BRD4: variants seen among roughly 807,000 people sequenced by gnomAD.
BRD4 encodes the protein bromodomain-containing protein 4.
BRD4 carries 16 observed loss-of-function variants against 142.1 expected under a neutral mutation model. That is an observed-to-expected ratio of 0.11 (90% CI 0.08 to 0.17). The LOEUF is 0.17. Among genes scored for constraint, BRD4 ranks in the 10% least tolerant of loss-of-function variants. The probability of loss-of-function intolerance (pLI) is 1.00; values close to 1 mark genes in which losing one functional copy is unlikely to be tolerated. For missense variants in BRD4, 1,424 were observed against 1,810.9 expected (o/e 0.79, Z 3.88); for synonymous variants, 833 against 707.5 (o/e 1.18, Z -2.82).
At position 15,239,752 on chromosome 19, in the gene BRD4, G is replaced by T. The variant is rs2047223508; in HGVS notation, c.3352C>A (p.Pro1118Thr). The change falls in exon 16 of 20, where the codon CCC (proline) becomes ACC (threonine). Residue 1118 changes from proline (P) to threonine (T), a missense_variant. Physicochemically the swap from Pro to Thr is conservative, Grantham distance 38. Around this residue, in one of 16 missense-constraint regions of BRD4, gnomAD observed 598 missense variants for 647.8 expected, o/e 0.92. Coordinates refer to ENST00000679869, the MANE Select transcript of BRD4 (RefSeq NM_001379291.1). This position sits in a 1 kb window ranked among gnomAD's most constrained non-coding sequence, Gnocchi z 7.4. ...CTGAAGGGCTCGCTGCGGATGATGGGTGAGTGGATCTTCTCCTCCTTCACC... is the reference window on the plus strand; with the variant it reads ...CTGAAGGGCTCGCTGCGGATGATGGTTGAGTGGATCTTCTCCTCCTTCACC... ...VVVKEEKIHSPIIRSEPFSPS... is the reference protein window; with the variant it reads ...VVVKEEKIHSTIIRSEPFSPS... The T allele has an allele frequency of 6.2e-7, 1 of 1,609,616 alleles. No homozygotes were observed. Among genetic ancestry groups the T allele is most frequent in the Non-Finnish European group, 8.5e-7 (1 of 1,179,696 alleles).
intron 3 of BRD4, 58 bp downstream of exon 3, chr19:15,268,847 G>A: frequency 1.3e-6 from 2 of 1,595,832 alleles, no homozygotes; most frequent in Non-Finnish European, 1.7e-6. Context: ...CATGCCCACT[G>A]CCGTCGCCTC....
intron 1 of BRD4, chr19:15,280,463 A>C: frequency 2.0e-6 from 2 of 1,011,216 alleles, no homozygotes; most frequent in Non-Finnish European, 2.4e-6. Flanking sequence ...TCATCCTCGT[A>C]AACAAATCAG....
intron 1 of BRD4, among the ~76,000 whole-genome samples, chr19:15,302,752 T>C (rs1303854915): frequency 6.8e-6 from 1 of 147,104 alleles, no homozygotes; most frequent in East Asian, 2.1e-4. Context: ...ACGCCTGTAA[T>C]CTCAGCACTT....
At chr19:15,318,504 C>T (rs1370173941) in intron 1 of BRD4, among the ~76,000 whole-genome samples, 1 of 152,306 alleles carries the variant, frequency 6.6e-6, no homozygotes, top group South Asian at 2.1e-4. Context: ...TATCCCTAAA[C>T]GTAAGCATGT....
chr19:15,290,839 T>C (rs1001587300), intron 1 of BRD4, among the ~76,000 whole-genome samples: 3 of 152,170 alleles, frequency 2.0e-5, no homozygotes, highest in African/African-American at 7.2e-5. Flanking sequence ...TTTTGCTATC[T>C]CTAGGGGATG....
chr19:15,270,922 G>T (rs1324657105), intron 2 of BRD4, among the ~76,000 whole-genome samples: 3 of 152,080 alleles, frequency 2.0e-5, no homozygotes, highest in Non-Finnish European at 4.4e-5. Context: ...GGCCACCATG[G>T]ATCAGTCCCT....
chr19:15,331,404 A>C (rs2048156908), intron 1 of BRD4, among the ~76,000 whole-genome samples: 1 of 152,126 alleles, frequency 6.6e-6, no homozygotes, highest in African/African-American at 2.4e-5. Flanking sequence ...CCCCACCCCA[A>C]ATCACCACAA....
intron 1 of BRD4, among the ~76,000 whole-genome samples, chr19:15,327,498 C>G (rs557957749): frequency 6.6e-6 from 1 of 151,824 alleles, no homozygotes; most frequent in Non-Finnish European, 1.5e-5. Context: ...GGGCTGAGAT[C>G]GTGCCACTGC....
chr19:15,239,049 AC>A lies in BRD4; in HGVS notation c.3782+9del. The stretch of plus-strand genomic sequence containing the variant: ...AAGAGTCCCCATGCCCCACCCAGAC[AC>A]CCGCCCACCTCATGCGCTCCTGCCG... On this transcript the variant is annotated intron_variant, in intron 18 of 19. Transcript: ENST00000679869. The surrounding 1 kb of genome is among the most constrained non-coding windows in gnomAD (Gnocchi z 7.4). 1 of 1,573,438 alleles carries A rather than the reference AC, an allele frequency of 6.4e-7. No homozygotes were observed.
chr19:15,254,700 C>T (rs141276670), intron 10 of BRD4, among the ~76,000 whole-genome samples: 21 of 152,130 alleles, frequency 1.4e-4, no homozygotes, highest in Non-Finnish European at 2.5e-4. Flanking sequence ...GCTGTTCAGA[C>T]GCACGCTGGA....
chr19:15,247,876 C>T (rs2047305033), intron 11 of BRD4: 1 of 229,396 alleles, frequency 4.4e-6, no homozygotes, highest in Non-Finnish European at 8.6e-6. Context: ...AATGCAGGGC[C>T]CCGGGAGGCC....
chr19:15,281,459 C>A (rs1011035364), intron 1 of BRD4, among the ~76,000 whole-genome samples: 2 of 152,218 alleles, frequency 1.3e-5, no homozygotes, highest in African/African-American at 4.8e-5. Flanking sequence ...ATCTCACCAA[C>A]CAGAATTCCA....
chr19:15,276,458 A>G (rs1225064031), intron 1 of BRD4, among the ~76,000 whole-genome samples: 2 of 151,636 alleles, frequency 1.3e-5, no homozygotes, highest in Admixed American at 1.3e-4. Flanking sequence ...TGCTAGCCCT[A>G]CTGCCAGACA....
At chr19:15,272,670 T>C in intron 2 of BRD4, 145 bp downstream of exon 2, 2 of 706,622 alleles carry the variant, frequency 2.8e-6, no homozygotes, top group Non-Finnish European at 4.6e-6. Context: ...TCAGAACTGC[T>C]GAAACCACTC....
In BRD4 at chr19:15,300,170, G is replaced by A. The variant is rs146669707; in HGVS notation, c.-34-27037C>T. ...TGAGGAGGGAGGACCGCTTGAACCC[G>A]GGAGGCAGAGGCTGCAGTGAGACGT... On this transcript the variant is annotated intron_variant, in intron 1 of 19. Transcript: ENST00000679869. Among the ~76,000 whole-genome samples, 761 of 152,196 alleles carry A rather than the reference G, an allele frequency of 5.0e-3. 4 individuals carry two copies. The highest frequency in any genetic ancestry group is 0.017 in the African/African-American group (697 of 41,496).
At chr19:15,332,033 A>C (rs1413284433) in intron 1 of BRD4, 2 of 136,596 alleles carry the variant, frequency 1.5e-5, no homozygotes, top group African/African-American at 5.4e-5. Context: ...GTCCGACGGC[A>C]CCAAAGGCAG....
At chr19:15,258,134 C>A (rs1027551150) in intron 7 of BRD4, among the ~76,000 whole-genome samples, 20 of 152,218 alleles carry the variant, frequency 1.3e-4, no homozygotes, top group African/African-American at 4.8e-4. Context: ...CGTGGAAACA[C>A]ACCATGGCAA....
intron 1 of BRD4, among the ~76,000 whole-genome samples, chr19:15,295,140 A>T (rs1279066533): frequency 1.3e-5 from 2 of 152,232 alleles, no homozygotes; most frequent in Non-Finnish European, 2.9e-5. Context: ...TTGCTGGAGA[A>T]ACCTGTGCCA....
intron 7 of BRD4, among the ~76,000 whole-genome samples, chr19:15,261,049 T>G (rs1187783174): frequency 6.6e-6 from 1 of 152,178 alleles, no homozygotes; most frequent in African/African-American, 2.4e-5. Flanking sequence ...ATGAAGGGCA[T>G]GGGTATCAAT....
Sources: gnomAD v4.1 joint callset for allele counts (sites outside exome capture counted in the v4.1 genomes callset) on GRCh38, gnomAD v4.1.1 for gene constraint, gnomAD v4.1.1 regional missense constraint, Gnocchi (gnomAD v3.1) non-coding constraint, MANE v1.5 for transcripts, NCBI Gene and HGNC (gene_info 2026-07-23, HGNC 2026-07-21) for gene names.